Variants in WWOX observed in about 807,000 individuals in gnomAD.
WWOX encodes the protein WW domain containing oxidoreductase.
Under a neutral mutation model 46.2 loss-of-function variants are expected in WWOX, and 69 were observed. The ratio of observed to expected loss-of-function variants is 1.49; its 90% CI spans 1.23 to 1.82. The LOEUF is 1.82. Ranked by LOEUF, WWOX falls within the 40% of genes most tolerant of loss-of-function variation. WWOX has a pLI of 0.00. For synonymous variants in WWOX, 359 were observed against 202.6 expected (o/e 1.77, Z -6.56); for missense variants, 919 against 542.6 (o/e 1.69, Z -6.89).
At chr16:78,437,890 G>A (rs559207699) in intron 8 of WWOX, among the ~76,000 whole-genome samples, 50 of 152,268 alleles carry the variant, frequency 3.3e-4, no homozygotes, top group African/African-American at 1.2e-3. Flanking sequence ...TTTTGCACCT[G>A]CACGCATTAA....
At chr16:78,864,252 C>T (rs1300678569) in intron 8 of WWOX, among the ~76,000 whole-genome samples, 2 of 151,276 alleles carry the variant, frequency 1.3e-5, no homozygotes, top group African/African-American at 2.4e-5. Context: ...CAGAATGGAG[C>T]CCTTTTTTAC....
rs183068122 is a variant in WWOX at position 78,934,252 on chromosome 16, G to A, written c.1057-277356G>A. Among the ~76,000 whole-genome samples, 6 of 149,988 alleles carry A rather than the reference G, an allele frequency of 4.0e-5. No individual in the cohort carries two copies. In the East Asian group the frequency reaches 1.2e-3, roughly 30 times the overall value. Reference sequence around the variant, plus strand: ...ACTCGGGAGGCTGAGGCAGGAGAATGGCGTGAACCCAGGAGGCGGATCTTG... The same window carrying A: ...ACTCGGGAGGCTGAGGCAGGAGAATAGCGTGAACCCAGGAGGCGGATCTTG... On this transcript the variant is annotated intron_variant, in intron 8 of 8. Coordinates refer to ENST00000566780, the MANE Select transcript of WWOX (RefSeq NM_016373.4).
chr16:78,798,160 C>G (rs975885099), intron 8 of WWOX, among the ~76,000 whole-genome samples: 1 of 152,118 alleles, frequency 6.6e-6, no homozygotes, highest in Admixed American at 6.5e-5. Context: ...GCGCAGAGGT[C>G]ATGATACCAA....
intron 8 of WWOX, among the ~76,000 whole-genome samples, chr16:79,082,705 A>C (rs551209753): frequency 2.0e-5 from 3 of 152,330 alleles, no homozygotes; most frequent in Admixed American, 2.0e-4. Context: ...ACATCTGTGC[A>C]GTTCCCAGGG....
At chr16:78,306,502 C>G (rs1216532524) in intron 5 of WWOX, among the ~76,000 whole-genome samples, 1 of 152,180 alleles carries the variant, frequency 6.6e-6, no homozygotes, top group African/African-American at 2.4e-5. Flanking sequence ...CCCTGTGCAG[C>G]TTCAACTATT....
chr16:78,138,587 T>A (rs1354884885), intron 4 of WWOX, among the ~76,000 whole-genome samples: 1 of 152,246 alleles, frequency 6.6e-6, no homozygotes, highest in Non-Finnish European at 1.5e-5. Flanking sequence ...GAAAGTCCGA[T>A]AAGAATCCAT....
chr16:79,161,295 C>T (rs1024618062), intron 8 of WWOX, among the ~76,000 whole-genome samples: 1 of 152,188 alleles, frequency 6.6e-6, no homozygotes, highest in Non-Finnish European at 1.5e-5. Context: ...GCTGGCTCCT[C>T]ACCTCCTAAG....
intron 8 of WWOX, among the ~76,000 whole-genome samples, chr16:78,436,334 G>A (rs1176081930): frequency 3.9e-5 from 6 of 152,210 alleles, no homozygotes. Context: ...AAGGGACCCT[G>A]GTTCAGTGAT....
At chr16:79,191,097 A>G (rs986257492) in intron 8 of WWOX, among the ~76,000 whole-genome samples, 1 of 152,142 alleles carries the variant, frequency 6.6e-6, no homozygotes, top group Non-Finnish European at 1.5e-5. Context: ...AGTGTCGCCC[A>G]GGCTGGAGTG....
At chr16:78,503,888 T>C (rs2085130733) in intron 8 of WWOX, 2 of 152,244 alleles carry the variant, frequency 1.3e-5, no homozygotes, top group African/African-American at 4.8e-5. Flanking sequence ...AAGATTAACA[T>C]GCAATATATA....
intron 5 of WWOX, among the ~76,000 whole-genome samples, chr16:78,361,064 C>A (rs2081400038): frequency 6.6e-6 from 1 of 152,154 alleles, no homozygotes; most frequent in Non-Finnish European, 1.5e-5. Flanking sequence ...CTCAAGAAAT[C>A]TGCTTACCTC....
At chr16:78,790,973 T>G (rs2050582031) in intron 8 of WWOX, among the ~76,000 whole-genome samples, 1 of 125,232 alleles carries the variant, frequency 8.0e-6, no homozygotes, top group Non-Finnish European at 1.6e-5. Flanking sequence ...GAGCCAAGAT[T>G]ACACCATTGC....
intron 8 of WWOX, among the ~76,000 whole-genome samples, chr16:79,063,891 C>T (rs925312021): frequency 3.9e-5 from 6 of 152,160 alleles, no homozygotes; most frequent in East Asian, 1.9e-4. Flanking sequence ...TAGGAATTGT[C>T]AAAGATAATG....
At chr16:78,574,583 G>T (rs1024112497) in intron 8 of WWOX, among the ~76,000 whole-genome samples, 2 of 151,934 alleles carry the variant, frequency 1.3e-5, no homozygotes, top group African/African-American at 4.8e-5. Flanking sequence ...GTCACAAATG[G>T]CAAGATTTCA....
chr16:78,477,829 A>G (rs1257547167), intron 8 of WWOX, among the ~76,000 whole-genome samples: 2 of 152,210 alleles, frequency 1.3e-5, no homozygotes, highest in Non-Finnish European at 2.9e-5. Flanking sequence ...TTTCATCCAA[A>G]AAATCTGATT....
intron 8 of WWOX, among the ~76,000 whole-genome samples, chr16:78,595,489 C>A (rs1238348332): frequency 6.6e-6 from 1 of 152,196 alleles, no homozygotes; most frequent in African/African-American, 2.4e-5. Context: ...CATACTCACT[C>A]ATGACTTCAC....
At chr16:79,064,503 G>A (rs2048408547) in intron 8 of WWOX, among the ~76,000 whole-genome samples, 1 of 152,222 alleles carries the variant, frequency 6.6e-6, no homozygotes, top group South Asian at 2.1e-4. Flanking sequence ...TTTGAGGCGT[G>A]TCTAGGAACG....
At chr16:78,689,721 C>G (rs1433200110) in intron 8 of WWOX, among the ~76,000 whole-genome samples, 1 of 152,190 alleles carries the variant, frequency 6.6e-6, no homozygotes, top group Non-Finnish European at 1.5e-5. Context: ...GACTATAAAT[C>G]TCCAGCTGTC....
At chr16:78,604,614 A>G (rs538236451) in intron 8 of WWOX, among the ~76,000 whole-genome samples, 2 of 150,784 alleles carry the variant, frequency 1.3e-5, no homozygotes, top group South Asian at 4.2e-4. Flanking sequence ...CTTTTTCTTC[A>G]ATGTTAAATA....
Sources: allele counts gnomAD v4.1 joint callset (sites outside exome capture counted in the v4.1 genomes callset), GRCh38; gene constraint gnomAD v4.1.1; transcripts MANE v1.5; gene names NCBI Gene and HGNC (gene_info 2026-07-23, HGNC 2026-07-21).